Variants in LDB3 observed in about 807,000 individuals in gnomAD.
LDB3 encodes LIM domain binding 3, also known as LIM domain-binding protein 3.
Under a neutral mutation model 69.0 loss-of-function variants are expected in LDB3, and 49 were observed. That is an observed-to-expected ratio of 0.71 (90% CI 0.56 to 0.90). LDB3 has a LOEUF of 0.90. Ranked by LOEUF, LDB3 falls within the 40% of genes least tolerant of loss-of-function variation. The pLI is 0.00. For missense variants in LDB3, 928 were observed against 974.1 expected, an observed-to-expected ratio of 0.95 and a Z score of 0.63; for synonymous variants, 387 against 396.2, an observed-to-expected ratio of 0.98 and a Z score of 0.28.
chr10:86,672,788 C>T (rs1313477565), intron 2 of LDB3, among the ~76,000 whole-genome samples: 2 of 152,218 alleles, frequency 1.3e-5, no homozygotes, highest in African/African-American at 2.4e-5. Context: ...CTGGCTGGGT[C>T]CTGGGGAATG....
At chr10:86,686,579 G>C (rs1197611421) in intron 5 of LDB3, among the ~76,000 whole-genome samples, 1 of 152,142 alleles carries the variant, frequency 6.6e-6, no homozygotes, top group Non-Finnish European at 1.5e-5. Context: ...ACTGTGAGAT[G>C]CCAAGGCAGA....
At chr10:86,680,716 C>A (rs1446178531) in intron 4 of LDB3, among the ~76,000 whole-genome samples, 1 of 152,206 alleles carries the variant, frequency 6.6e-6, no homozygotes, top group Admixed American at 6.5e-5. Context: ...CAAGCCCTGG[C>A]TCCAGACCTC....
chr10:86,718,966 G>A (rs1846978685), intron 12 of LDB3, 119 bp downstream of exon 12: 6 of 1,306,272 alleles, frequency 4.6e-6, no homozygotes, highest in South Asian at 2.8e-5. Context: ...CTTTATTTCT[G>A]GAAGAAACCT....
rs1292172747 is a variant in LDB3, at chr10:86,735,246, C to T, written c.*2270C>T. On this transcript the variant is annotated 3_prime_UTR_variant, in exon 14 of 14. Coordinates refer to ENST00000361373, the MANE Select transcript of LDB3 (RefSeq NM_007078.3). ...ACTCCTATTTGCCAAAAAGACAAAA[C>T]TAGCAAAAAAAAAACAAAAAAACAA... 2.3e-5 allele frequency: 3 copies of T among 131,806 alleles called. No individual in the cohort carries two copies. The highest frequency in any genetic ancestry group is 8.8e-5 in the African/African-American group (3 of 33,902). The allele number at this position is 131,806 out of a possible 1,614,324, so 8.2% of individuals were successfully genotyped here. A position where few individuals can be genotyped will look rare whatever the true frequency, so the allele number is the denominator to read the frequency against.
chr10:86,723,342 A>G (rs1461637920), intron 12 of LDB3, among the ~76,000 whole-genome samples: 1 of 150,338 alleles, frequency 6.7e-6, no homozygotes, highest in Non-Finnish European at 1.5e-5. Flanking sequence ...TGGAGGAGGG[A>G]AGGCCAGGGA....
Position 86,692,681 on chromosome 10 carries a change from G to A in LDB3, c.896+110G>A. ...AGGGACCTCTCAAGTTCATGGATTT[G>A]GAAAGCCTGGCCTGCAAAGGGCTCC... On this transcript the variant is annotated intron_variant, in intron 7 of 13. Coordinates refer to ENST00000361373, the MANE Select transcript of LDB3 (RefSeq NM_007078.3). The A allele has an allele frequency of 8.8e-6, 9 of 1,024,824 alleles. No individual in the cohort carries two copies. In the South Asian group the frequency reaches 1.1e-4, roughly 13 times the overall value. The allele number at this position is 1,024,824 out of a possible 1,614,324, so 63.5% of individuals were successfully genotyped here.
chr10:86,725,137 T>G (rs1847212960), intron 12 of LDB3, among the ~76,000 whole-genome samples: 1 of 152,178 alleles, frequency 6.6e-6, no homozygotes, highest in South Asian at 2.1e-4. Flanking sequence ...TCAGGAGGGA[T>G]GAAGGCTTTG....
chr10:86,679,637 G>GC, intron 3 of LDB3, 119 bp downstream of exon 3: 1 of 1,191,510 alleles, frequency 8.4e-7, no homozygotes. Flanking sequence ...ACAAAACTGT[G>GC]CAGGAAGATA....
intron 2 of LDB3, among the ~76,000 whole-genome samples, chr10:86,671,763 T>A (rs1418669712): frequency 6.6e-6 from 1 of 152,216 alleles, no homozygotes; most frequent in Non-Finnish European, 1.5e-5. Context: ...TGCTCTCAGC[T>A]GTGTCACCTC....
intron 2 of LDB3, among the ~76,000 whole-genome samples, chr10:86,673,218 C>T (rs1171866524): frequency 1.3e-5 from 2 of 152,192 alleles, no homozygotes; most frequent in African/African-American, 4.8e-5. Flanking sequence ...TGGACCTGGA[C>T]AGGAGGAAGA....
intron 12 of LDB3, among the ~76,000 whole-genome samples, chr10:86,722,984 CA>C: frequency 6.6e-6 from 1 of 152,022 alleles, no homozygotes; most frequent in East Asian, 1.9e-4. Flanking sequence ...ATATGGAACA[CA>C]GCCCAGCTTG....
rs1278880838 is a variant in LDB3, at chr10:86,706,742, G to T, written c.1085+23G>T. 6.2e-5 allele frequency: 99 copies of T among 1,596,376 alleles called. 1 individual carries two copies. The Admixed American group carries it at 1.3e-3, about 22-fold the overall frequency. On this transcript the variant is annotated intron_variant, in intron 8 of 13. Coordinates refer to ENST00000361373, the MANE Select transcript of LDB3 (RefSeq NM_007078.3). ...AAGGTAACTGGGCCACAGGTGCTGG[G>T]CCTGACCCTGGGGAAGGGAGGCAGG... is the stretch of plus-strand genomic sequence containing the variant.
chr10:86,707,019 CTT>C (rs1424778458), intron 8 of LDB3, among the ~76,000 whole-genome samples: 1 of 152,036 alleles, frequency 6.6e-6, no homozygotes, highest in African/African-American at 2.4e-5. Context: ...GTCTCTCTCT[CTT>C]TCTCACAGAC....
chr10:86,694,338 C>T (rs1175629065), intron 7 of LDB3, among the ~76,000 whole-genome samples: 2 of 152,138 alleles, frequency 1.3e-5, no homozygotes, highest in South Asian at 2.1e-4. Context: ...CTTTCACCAG[C>T]GGCCTAACCC....
chr10:86,719,897 A>T (rs952913377), intron 12 of LDB3, among the ~76,000 whole-genome samples: 1 of 152,244 alleles, frequency 6.6e-6, no homozygotes, highest in Admixed American at 6.5e-5. Flanking sequence ...AAGGATTTGA[A>T]GCAGGTTCCA....
chr10:86,731,764 AG>A (rs1329937492), intron 13 of LDB3, among the ~76,000 whole-genome samples: 2 of 151,508 alleles, frequency 1.3e-5, no homozygotes, highest in Non-Finnish European at 2.9e-5. Context: ...TGGAACACTG[AG>A]CTCACTCACA....
At chr10:86,670,165 C>T (rs913838797) in intron 2 of LDB3, among the ~76,000 whole-genome samples, 1 of 152,166 alleles carries the variant, frequency 6.6e-6, no homozygotes, top group Non-Finnish European at 1.5e-5. Context: ...GTGCAGGGAA[C>T]AGGCCCTGAC....
intron 12 of LDB3, among the ~76,000 whole-genome samples, chr10:86,719,438 C>T (rs1564659375): frequency 2.6e-5 from 4 of 151,854 alleles, no homozygotes; most frequent in African/African-American, 7.3e-5. Context: ...CTTATGACCA[C>T]TGGGAAACCT....
At chr10:86,726,848 G>A (rs1018143858) in intron 13 of LDB3, among the ~76,000 whole-genome samples, 7 of 152,036 alleles carry the variant, frequency 4.6e-5, no homozygotes, top group Non-Finnish European at 7.4e-5. Context: ...CTGAACAGCC[G>A]GGTCACTTTT....
Sources: gnomAD v4.1 joint callset for allele counts (sites outside exome capture counted in the v4.1 genomes callset) on GRCh38, gnomAD v4.1.1 for gene constraint, MANE v1.5 for transcripts, NCBI Gene and HGNC (gene_info 2026-07-23, HGNC 2026-07-21) for gene names.